Variants in KRT31 observed in about 807,000 individuals in gnomAD.
KRT31 encodes keratin, type I cuticular Ha1.
Under a neutral mutation model 40.8 loss-of-function variants are expected in KRT31, and 27 were observed. The ratio of observed to expected loss-of-function variants is 0.66; its 90% CI spans 0.49 to 0.91. The LOEUF (loss-of-function observed/expected upper bound fraction) is 0.91. KRT31 is among the 40% of genes least tolerant of loss of function. KRT31 has a pLI of 0.00. For missense variants in KRT31, 510 were observed against 544.1 expected (o/e 0.94, Z 0.62); for synonymous variants, 231 against 231.9 (o/e 1.00, Z 0.03).
In KRT31 at chr17:41,396,950, C is replaced by T. The variant is rs2018238502; in HGVS notation, c.394G>A (p.Asp132Asn). 6.2e-7 allele frequency: 1 copy of T among 1,614,018 alleles called. No homozygotes were observed. The highest frequency in any genetic ancestry group is 1.3e-5 in the African/African-American group (1 of 74,922). Residue 132 changes from aspartate to asparagine, a missense_variant, in exon 2 of 7, where the codon GAC becomes AAC. Physicochemically the swap from Asp to Asn is conservative, Grantham distance 23 (BLOSUM62 1). Coordinates refer to ENST00000251645, the MANE Select transcript of KRT31 (RefSeq NM_002277.3). ...TCATCCGCAGCCAGCTTGGCGTTGT[C>T]GATCTGCACCACAAGCCTGGCATTC... Reference protein sequence around the residue: ...SENARLVVQIDNAKLAADDFR... With the variant: ...SENARLVVQINNAKLAADDFR...
chr17:41,396,295 G>A (rs943466506), intron 3 of KRT31, 125 bp downstream of exon 3: 15 of 854,240 alleles, frequency 1.8e-5, no homozygotes, highest in African/African-American at 3.4e-5. Context: ...TTCTCTTACC[G>A]TGATGTTTTC....
Position 41,396,995 on chromosome 17 carries a change from T to C in KRT31, c.349A>G (p.Ile117Val), listed in dbSNP as rs1459748081. 6.2e-7 allele frequency: 1 copy of C among 1,613,688 alleles called. No individual in the cohort carries two copies. The highest frequency in any genetic ancestry group is 8.5e-7 in the Non-Finnish European group (1 of 1,179,638). The change falls in exon 2 of 7, where the codon ATC becomes GTC. Residue 117 changes from isoleucine (I) to valine (V), a missense_variant and splice_region_variant. Coordinates refer to ENST00000251645, the MANE Select transcript of KRT31 (RefSeq NM_002277.3). The stretch of plus-strand genomic sequence containing the variant: ...GCATTCTCAGACTTGGTACACAGGA[T>C]CTGGGGAGTGAGAGGTGGCTTAGTG... ...FKTIEELQQK[I>V]LCTKSENARL...
At chr17:41,394,243 G>C in intron 6 of KRT31, 74 bp from the exon 7 acceptor site, 1 of 1,529,392 alleles carries the variant, frequency 6.5e-7, no homozygotes, top group Non-Finnish European at 9.0e-7. Context: ...ATATCCCCAA[G>C]GGTAAGAATG....
At chr17:41,395,099 A>C in intron 5 of KRT31, 31 bp from the exon 6 acceptor site, 1 of 1,613,224 alleles carries the variant, frequency 6.2e-7, no homozygotes, top group South Asian at 1.1e-5. Context: ...AATGTCAGAG[A>C]GCTGCTCCTT....
At chr17:41,395,770 G>T in intron 3 of KRT31, 147 bp from the exon 4 acceptor site, 1 of 928,636 alleles carries the variant, frequency 1.1e-6, no homozygotes, top group Non-Finnish European at 1.6e-6. Context: ...GGCACTCCAT[G>T]TGGCATAGCC....
chr17:41,393,852 T>G lies in KRT31; in HGVS notation c.*164A>C. 1.5e-6 allele frequency: 1 copy of G among 653,888 alleles called. No homozygotes were observed. Among genetic ancestry groups the G allele is most frequent in the Non-Finnish European group, 2.5e-6 (1 of 397,102 alleles). The allele number at this position is 653,888 out of a possible 1,614,324, so 40.5% of individuals were successfully genotyped here. ...AAAGGGTGAGCAGGACAGTCTGGAG[T>G]AGTTGGGGAGGCTACAGGCTTTGGG... On this transcript the variant is annotated 3_prime_UTR_variant, in exon 7 of 7. Coordinates refer to ENST00000251645, the MANE Select transcript of KRT31 (RefSeq NM_002277.3).
In KRT31 at chr17:41,394,871, G is replaced by T. The variant is rs752037872; in HGVS notation, c.1074C>A (p.Ser358Arg). ...RLECEINTYR[S>R]LLESEDCNLP... ...ACTTGCAGTCCTCGCTCTCCAGCAG[G>T]CTCCGGTATGTGTTGATCTCACACT... Residue 358 changes from serine (S) to arginine (R), a missense_variant, in exon 6 of 7, where the codon AGC (serine) becomes AGA (arginine). Coordinates refer to ENST00000251645, the MANE Select transcript of KRT31 (RefSeq NM_002277.3). 6.2e-7 allele frequency: 1 copy of T among 1,614,122 alleles called. No individual in the cohort carries two copies. Among genetic ancestry groups the T allele is most frequent in the Admixed American group, 1.7e-5 (1 of 60,026 alleles).
chr17:41,396,181 G>A (rs2018223036), intron 3 of KRT31, among the ~76,000 whole-genome samples: 1 of 151,772 alleles, frequency 6.6e-6, no homozygotes. Context: ...TTGATCAACT[G>A]CAAGCACATG....
chr17:41,396,430 T>C lies in KRT31; in HGVS notation c.578A>G (p.Asn193Ser), dbSNP rs776903526. The change falls in exon 3 of 7, where the codon AAC becomes AGC. Residue 193 changes from asparagine (N) to serine (S), a missense_variant. Coordinates refer to ENST00000251645, the MANE Select transcript of KRT31 (RefSeq NM_002277.3). ...LKEELLCLKS[N>S]HEQEVNTLRC... ...CATTTCTAGTCTCACCTGCTCATGG[T>C]TGCTCTTGAGGCAGAGCAGCTCCTC... 122 of 1,613,860 alleles carry C rather than the reference T, an allele frequency of 7.6e-5. No individual in the cohort carries two copies. Among genetic ancestry groups the C allele is most frequent in the Middle Eastern group, 3.3e-4 (2 of 6,066 alleles).
Position 41,396,983 on chromosome 17 carries a change from T to A in KRT31, c.361A>T (p.Lys121Ter), listed in dbSNP as rs1262244154. Residue 121 changes from lysine to a stop codon, truncating the protein, a stop_gained, in exon 2 of 7, where the codon AAG becomes TAG. Transcript: ENST00000251645. LOFTEE classifies it high-confidence loss of function. ...ACCACAAGCCTGGCATTCTCAGACT[T>A]GGTACACAGGATCTGGGGAGTGAGA... ...EELQQKILCT[K>*]SENARLVVQI... The A allele has an allele frequency of 6.2e-7, 1 of 1,613,994 alleles. No homozygotes were observed. Among genetic ancestry groups the A allele is most frequent in the South Asian group, 1.1e-5 (1 of 91,084 alleles).
chr17:41,394,294 C>T (rs940170762), intron 6 of KRT31, 125 bp from the exon 7 acceptor site: 43 of 919,390 alleles, frequency 4.7e-5, no homozygotes, highest in Non-Finnish European at 7.0e-5. Flanking sequence ...ACAGAAAAGG[C>T]ACAGACTCCC....
Position 41,395,345 on chromosome 17 carries a change from A to G in KRT31, c.776T>C (p.Val259Ala). 1.2e-6 allele frequency: 2 copies of G among 1,613,990 alleles called. No individual in the cohort carries two copies. The highest frequency in any genetic ancestry group is 1.7e-6 in the Non-Finnish European group (2 of 1,180,032). Residue 259 changes from valine to alanine, a missense_variant, in exon 5 of 7, where the codon GTA (valine) becomes GCA (alanine). Coordinates refer to ENST00000251645, the MANE Select transcript of KRT31 (RefSeq NM_002277.3). ...GGACTGCAGCTGCTCTGAGCTGGAT[A>G]CCACCTGCTTGTTCAGCTCCTCGGT... is the stretch of plus-strand genomic sequence containing the variant. ...TQTEELNKQVVSSSEQLQSYQ... is the reference protein window; with the variant it reads ...TQTEELNKQVASSSEQLQSYQ...
chr17:41,395,955 CA>C (rs1158102527), intron 3 of KRT31, among the ~76,000 whole-genome samples: 2 of 152,154 alleles, frequency 1.3e-5, no homozygotes, highest in Admixed American at 1.3e-4. Flanking sequence ...GACCATATAT[CA>C]AAAAACTCTT....
In KRT31 at chr17:41,393,788, C is replaced by A. The variant is rs1286763616; in HGVS notation, c.*228G>T. 2 of 516,314 alleles carry A rather than the reference C, an allele frequency of 3.9e-6. No individual in the cohort carries two copies. The highest frequency in any genetic ancestry group is 6.7e-6 in the Non-Finnish European group (2 of 297,830). The allele number at this position is 516,314 out of a possible 1,614,324, so 32.0% of individuals were successfully genotyped here. On this transcript the variant is annotated 3_prime_UTR_variant, in exon 7 of 7. Coordinates refer to ENST00000251645, the MANE Select transcript of KRT31 (RefSeq NM_002277.3). ...AGGCCCACTGGCACATCAGAGAGTT[C>A]TCTGGGTGAGCATAGGAAGGAACAG...
chr17:41,393,960 T>G lies in KRT31; in HGVS notation c.*56A>C. The G allele has an allele frequency of 6.4e-7, 1 of 1,562,284 alleles. No individual in the cohort carries two copies. On this transcript the variant is annotated 3_prime_UTR_variant, in exon 7 of 7. Transcript: ENST00000251645. ...CCCCTTTTGTTGAACCAGAGCCAGG[T>G]CACAGCTCTGGAGTCCTGGGCCCTG...
At position 41,396,538 on chromosome 17, in the gene KRT31, G is replaced by A. The variant is rs564020737; in HGVS notation, c.470C>T (p.Ser157Leu). 1.4e-5 allele frequency: 23 copies of A among 1,614,124 alleles called. No individual in the cohort carries two copies. The highest frequency in any genetic ancestry group is 3.3e-5 in the Admixed American group (2 of 60,018). Residue 157 changes from serine to leucine, a missense_variant, in exon 3 of 7, where the codon TCG becomes TTG. Coordinates refer to ENST00000251645, the MANE Select transcript of KRT31 (RefSeq NM_002277.3). ...GATCCTGCGCAGACCGTTGATGTCC[G>A]ACTCCACCAGCTGCCGCAGGGACAG... is the stretch of plus-strand genomic sequence containing the variant. ...TELSLRQLVESDINGLRRILD... is the reference protein window; with the variant it reads ...TELSLRQLVELDINGLRRILD...
rs749352568 is a variant in KRT31 at position 41,396,915 on chromosome 17, G to T, written c.429C>A (p.Thr143=). The part of the protein sequence containing the change: ...NAKLAADDFR[T]KYQTELSLRQ... ...AGTGCAAATTCCGAACAACTCACTT[G>T]GTTCTGAAATCATCCGCAGCCAGCT... The change falls in exon 2 of 7, where the codon ACC becomes ACA. Residue 143 remains threonine (T), a splice_region_variant and synonymous_variant. Transcript: ENST00000251645. 1.2e-6 allele frequency: 2 copies of T among 1,611,800 alleles called. No individual in the cohort carries two copies. Among genetic ancestry groups the T allele is most frequent in the South Asian group, 1.1e-5 (1 of 91,012 alleles).
chr17:41,397,498 G>A lies in KRT31; in HGVS notation c.42C>T (p.Thr14=). ...NFCLPSLSCR[T]SCSSRPCVPP... is the part of the protein sequence containing the mutation. ...GCACGCAGGGCCGGGAGGAGCAGCTGGTGCGGCAGCTCAGGCTGGGCAGGC... is the reference window on the plus strand; with the variant it reads ...GCACGCAGGGCCGGGAGGAGCAGCTAGTGCGGCAGCTCAGGCTGGGCAGGC... The change falls in exon 1 of 7, where the codon ACC becomes ACT. Residue 14 remains threonine (T), a synonymous_variant. Transcript: ENST00000251645. 1.2e-6 allele frequency: 2 copies of A among 1,613,304 alleles called. No homozygotes were observed. Among genetic ancestry groups the A allele is most frequent in the Non-Finnish European group, 1.7e-6 (2 of 1,179,734 alleles).
chr17:41,396,261 A>G (rs1201528273), intron 3 of KRT31, among the ~76,000 whole-genome samples, 159 bp downstream of exon 3: 1 of 152,250 alleles, frequency 6.6e-6, no homozygotes, highest in Non-Finnish European at 1.5e-5. Context: ...GGGAACATGA[A>G]CAGGTCTTAT....
Sources: allele counts gnomAD v4.1 joint callset (sites outside exome capture counted in the v4.1 genomes callset), GRCh38; gene constraint gnomAD v4.1.1; transcripts MANE v1.5; gene names NCBI Gene and HGNC (gene_info 2026-07-23, HGNC 2026-07-21).